Variants in PPARD observed in about 807,000 individuals in gnomAD.
The protein encoded by PPARD is peroxisome proliferator-activated receptor delta.
Under a neutral mutation model 39.5 loss-of-function variants are expected in PPARD, and 6 were observed. The ratio of observed to expected loss-of-function variants is 0.15; its 90% CI spans 0.08 to 0.30. The LOEUF (loss-of-function observed/expected upper bound fraction) is 0.30, where lower values mean the gene tolerates loss of function less well. PPARD is among the 10% of genes least tolerant of loss of function. PPARD has a pLI of 1.00. For missense variants in PPARD, 397 were observed against 596.8 expected, an observed-to-expected ratio of 0.67 and a Z score of 3.49; for synonymous variants, 210 against 231.3, an observed-to-expected ratio of 0.91 and a Z score of 0.83.
intron 3 of PPARD, among the ~76,000 whole-genome samples, chr6:35,418,226 G>A (rs1765902754): frequency 6.6e-6 from 1 of 152,244 alleles, no homozygotes; most frequent in South Asian, 2.1e-4. Flanking sequence ...CAAGGAGGAA[G>A]TGCCAGAAAC....
chr6:35,420,049 G>A, intron 3 of PPARD, 78 bp from the exon 4 acceptor site: 2 of 1,527,452 alleles, frequency 1.3e-6, no homozygotes, highest in Non-Finnish European at 1.8e-6. Context: ...GCTGAGGCGA[G>A]GGCTGTGGGG....
Position 35,425,527 on chromosome 6 carries a change from A to C in PPARD, c.1079-305A>C. 3.4e-6 allele frequency: 3 copies of C among 875,644 alleles called. No individual in the cohort carries two copies. In the South Asian group the frequency reaches 6.3e-5, roughly 18 times the overall value. 54.2% of individuals were successfully genotyped at this position (875,644 alleles called of 1,614,324 possible). On this transcript the variant is annotated intron_variant, in intron 7 of 7. Coordinates refer to ENST00000360694, the MANE Select transcript of PPARD (RefSeq NM_006238.5). The surrounding 1 kb of genome is among the most constrained non-coding windows in gnomAD (Gnocchi z 4.5). ...TCCATTTTACACATCAGAGAGGCTGAATGACCTGCCTATAGCCTCACAGGC... is the reference window on the plus strand; with the variant it reads ...TCCATTTTACACATCAGAGAGGCTGCATGACCTGCCTATAGCCTCACAGGC...
intron 2 of PPARD, among the ~76,000 whole-genome samples, chr6:35,397,293 A>G (rs1764393672): frequency 6.6e-6 from 1 of 151,908 alleles, no homozygotes; most frequent in African/African-American, 2.4e-5. Flanking sequence ...TAAGGGAGGA[A>G]GAAGCACCAG....
At position 35,424,183 on chromosome 6, in the gene PPARD, T is replaced by C. The variant is rs751553506; in HGVS notation, c.627+35T>C. On this transcript the variant is annotated intron_variant, in intron 6 of 7. Transcript: ENST00000360694. This position sits in a 1 kb window ranked among gnomAD's most constrained non-coding sequence, Gnocchi z 7.1. ...GCTGCTGCTTGGCCTGGCAGCATCC[T>C]GGGCTCTGGGTCCCACTGCCGCCTG... 10 of 1,608,480 alleles carry C rather than the reference T, an allele frequency of 6.2e-6. No homozygotes were observed. The African/African-American group carries it at 1.3e-4, about 21-fold the overall frequency.
chr6:35,358,239 G>A (rs1323477325), intron 2 of PPARD, among the ~76,000 whole-genome samples: 3 of 152,176 alleles, frequency 2.0e-5, no homozygotes, highest in African/African-American at 7.2e-5. Context: ...GCTGGCTTTG[G>A]AGGTGGAAGA....
intron 2 of PPARD, among the ~76,000 whole-genome samples, chr6:35,372,585 A>G (rs1762565400): frequency 6.6e-6 from 1 of 152,226 alleles, no homozygotes; most frequent in African/African-American, 2.4e-5. Flanking sequence ...ACTTAAATCC[A>G]GCCTACTTGT....
chr6:35,400,660 C>T (rs1283153059), intron 2 of PPARD, among the ~76,000 whole-genome samples: 7 of 151,972 alleles, frequency 4.6e-5, no homozygotes, highest in African/African-American at 9.7e-5. Context: ...ATTTGCCAGG[C>T]GTGGTGGTGC....
At position 35,363,046 on chromosome 6, in the gene PPARD, C is replaced by A. The variant is rs576559681; in HGVS notation, c.-102+15896C>A. Among the ~76,000 whole-genome samples the A allele has an allele frequency of 6.6e-6, 1 of 152,262 alleles. No homozygotes were observed. Among genetic ancestry groups the A allele is most frequent in the African/African-American group, 2.4e-5 (1 of 41,548 alleles). On this transcript the variant is annotated intron_variant, in intron 2 of 7. Coordinates refer to ENST00000360694, the MANE Select transcript of PPARD (RefSeq NM_006238.5). The surrounding 1 kb of genome is among the most constrained non-coding windows in gnomAD (Gnocchi z 4.5). ...GGATCCGAGCATAGAGGAAGATGTT[C>A]CATGCATCAGTAACTCAGATTCCGT...
chr6:35,363,558 G>A lies in PPARD; in HGVS notation c.-102+16408G>A, dbSNP rs964908097. Among the ~76,000 whole-genome samples the A allele has an allele frequency of 5.9e-5, 9 of 152,162 alleles. No homozygotes were observed. Among genetic ancestry groups the A allele is most frequent in the African/African-American group, 1.9e-4 (8 of 41,434 alleles). On this transcript the variant is annotated intron_variant, in intron 2 of 7. Coordinates refer to ENST00000360694, the MANE Select transcript of PPARD (RefSeq NM_006238.5). The surrounding 1 kb of genome is among the most constrained non-coding windows in gnomAD (Gnocchi z 4.5). ...GGGGCTGGTGCCTCAGCCTCCAGACGCTCTCCAGTAGGTCTGAGTAGGTGG... is the reference window on the plus strand; with the variant it reads ...GGGGCTGGTGCCTCAGCCTCCAGACACTCTCCAGTAGGTCTGAGTAGGTGG...
chr6:35,384,398 C>T (rs1169012515), intron 2 of PPARD, among the ~76,000 whole-genome samples: 2 of 129,552 alleles, frequency 1.5e-5, no homozygotes, highest in Admixed American at 7.3e-5. Context: ...AGTGAGGAGC[C>T]CCTCTGCCAG....
chr6:35,358,730 T>A (rs961268265), intron 2 of PPARD, among the ~76,000 whole-genome samples: 2 of 152,252 alleles, frequency 1.3e-5, no homozygotes, highest in Admixed American at 1.3e-4. Context: ...CAAAGAGTTC[T>A]TTCAGACCAG....
intron 2 of PPARD, among the ~76,000 whole-genome samples, chr6:35,379,339 T>C (rs1445528597): frequency 6.6e-6 from 1 of 152,138 alleles, no homozygotes; most frequent in Non-Finnish European, 1.5e-5. Context: ...CCTGACCTTG[T>C]GGTCTGCCCA....
At chr6:35,410,768 C>A (rs1469352275) in intron 2 of PPARD, among the ~76,000 whole-genome samples, 1 of 152,164 alleles carries the variant, frequency 6.6e-6, no homozygotes, top group Non-Finnish European at 1.5e-5. Context: ...TGCTCCGAAC[C>A]CCACAAACCC....
At chr6:35,423,747 CAAAA>C (rs376633720) in intron 5 of PPARD, among the ~76,000 whole-genome samples, 195 bp from the exon 6 acceptor site, 1 of 139,756 alleles carries the variant, frequency 7.2e-6, no homozygotes, top group Non-Finnish European at 1.6e-5. Context: ...AAAGATACAC[CAAAA>C]AAAAAAAAAA....
In PPARD at chr6:35,384,950, C is replaced by T. The variant is rs1335747774; in HGVS notation, c.-101-26037C>T. ...CCTCTGCCAGGCCAGCCGCCCCATC[C>T]GGGAGGGAGGTGGGGGGGTCAGCCC... On this transcript the variant is annotated intron_variant, in intron 2 of 7. Transcript: ENST00000360694. Among the ~76,000 whole-genome samples the T allele has an allele frequency of 1.7e-4, 23 of 135,088 alleles. 1 individual carries two copies. The highest frequency in any genetic ancestry group is 4.6e-4 in the South Asian group (2 of 4,314). The allele number at this position is 135,088 out of a possible 152,430, so 88.6% of individuals were successfully genotyped here.
chr6:35,420,053 T>C lies in PPARD; in HGVS notation c.131-74T>C. On this transcript the variant is annotated intron_variant, in intron 3 of 7. Transcript: ENST00000360694. ...GCTGTTAAGTGGCTGAGGCGAGGGC[T>C]GTGGGGCTGTTCCCACGCCCTGGCT... The C allele has an allele frequency of 1.9e-6, 3 of 1,545,716 alleles. No individual in the cohort carries two copies. In the Admixed American group the frequency reaches 5.3e-5, roughly 27 times the overall value.
rs1765348545 is a variant in PPARD, at chr6:35,410,395, G to A, written c.-101-592G>A. On this transcript the variant is annotated intron_variant, in intron 2 of 7. Transcript: ENST00000360694. ...GTCACCTTGGAAAGACTCCAGGATG[G>A]AGCACATCTTCCTTTTTCTGATGTC... 2.0e-5 allele frequency among the ~76,000 whole-genome samples: 3 copies of A among 152,166 alleles called. No individual in the cohort carries two copies. In the South Asian group the frequency reaches 6.2e-4, roughly 32 times the overall value.
At chr6:35,417,588 G>C (rs186815427) in intron 3 of PPARD, among the ~76,000 whole-genome samples, 1 of 149,218 alleles carries the variant, frequency 6.7e-6, no homozygotes, top group Admixed American at 6.7e-5. Flanking sequence ...GCAATGGCGC[G>C]ATCTCAGCTC....
rs1309566389 is a variant in PPARD at position 35,423,809 on chromosome 6, C to G, written c.425-137C>G. 26 of 742,524 alleles carry G rather than the reference C, an allele frequency of 3.5e-5. No homozygotes were observed. In the East Asian group the frequency reaches 6.8e-4, roughly 19 times the overall value. The allele number at this position is 742,524 out of a possible 1,614,324, so 46.0% of individuals were successfully genotyped here. A position where few individuals can be genotyped will look rare whatever the true frequency, so the allele number is the denominator to read the frequency against. ...ATCTGGAGGGGCCACCCCATCATTC[C>G]TACCTTGCTGACTCTAGAGCTTCTG... On this transcript the variant is annotated intron_variant, in intron 5 of 7. Coordinates refer to ENST00000360694, the MANE Select transcript of PPARD (RefSeq NM_006238.5).
Sources: allele counts gnomAD v4.1 joint callset (sites outside exome capture counted in the v4.1 genomes callset), GRCh38; gene constraint gnomAD v4.1.1; non-coding constraint Gnocchi (gnomAD v3.1); transcripts MANE v1.5; gene names NCBI Gene and HGNC (gene_info 2026-07-23, HGNC 2026-07-21).